Variants in NRDE2 observed in about 807,000 individuals in gnomAD.
NRDE2 encodes NRDE-2, necessary for RNA interference, domain containing.
A neutral mutation model predicts 124.2 loss-of-function variants in NRDE2; 76 were observed. That is an observed-to-expected ratio of 0.61 (90% confidence interval 0.51 to 0.74). The LOEUF is 0.74. Ranked by LOEUF, NRDE2 falls within the 30% of genes least tolerant of loss-of-function variation. NRDE2 has a pLI of 0.00. For missense variants in NRDE2, 1,314 were observed against 1,417.3 expected (o/e 0.93, Z 1.17); for synonymous variants, 489 against 528.1 (o/e 0.93, Z 1.01).
chr14:90,328,304 CAAAAAAAAAAA>C (rs60360850), intron 1 of NRDE2, among the ~76,000 whole-genome samples: 3 of 88,724 alleles, frequency 3.4e-5, no homozygotes, highest in African/African-American at 1.2e-4. Context: ...ACTCTGTCTC[CAAAAAAAAAAA>C]AAAAAAAAGA....
Position 90,270,160 on chromosome 14 carries a change from G to A in NRDE2, c.*8176C>T, listed in dbSNP as rs1164533492. Reference sequence around the variant, plus strand: ...CTGAGCCATGGCCGAGCCTGGGTTTGGATGTTGGTGTGACTTCAAATCTCT... The same window carrying A: ...CTGAGCCATGGCCGAGCCTGGGTTTAGATGTTGGTGTGACTTCAAATCTCT... On this transcript the variant is annotated 3_prime_UTR_variant, in exon 14 of 14. Transcript: ENST00000354366. The A allele has an allele frequency of 1.7e-5, 27 of 1,605,284 alleles. No homozygotes were observed. Among genetic ancestry groups the A allele is most frequent in the Non-Finnish European group, 2.0e-5 (24 of 1,173,574 alleles).
Position 90,301,346 on chromosome 14 carries a change from G to GAA in NRDE2, c.1436_1437dup (p.Leu480PhefsTer29). The GAA allele has an allele frequency of 6.2e-7, 1 of 1,613,960 alleles. No individual in the cohort carries two copies. On this transcript the variant is annotated frameshift_variant, in exon 7 of 14. Coordinates refer to ENST00000354366, the MANE Select transcript of NRDE2 (RefSeq NM_017970.4). LOFTEE classifies it high-confidence loss of function. ...TTCTCAGAGTGGCCAGCCTGCCGCA[G>GAA]AAAGTGGCACTGCTGAAGAAAGAGT...
chr14:90,293,723 C>A (rs1404468625), intron 8 of NRDE2, among the ~76,000 whole-genome samples: 4 of 152,174 alleles, frequency 2.6e-5, no homozygotes, highest in African/African-American at 4.8e-5. Context: ...CCTATGCTCA[C>A]TAGAACTTGC....
chr14:90,294,291 T>C (rs1892350501), intron 8 of NRDE2, among the ~76,000 whole-genome samples: 1 of 151,558 alleles, frequency 6.6e-6, no homozygotes, highest in African/African-American at 2.4e-5. Context: ...TGCCGTCTGC[T>C]GTATGGAAAA....
chr14:90,268,427 T>C lies in NRDE2; in HGVS notation c.*9909A>G, dbSNP rs767167551. On this transcript the variant is annotated 3_prime_UTR_variant, in exon 14 of 14. Coordinates refer to ENST00000354366, the MANE Select transcript of NRDE2 (RefSeq NM_017970.4). Reference sequence around the variant, plus strand: ...TGGGACAAAAAGGTAGACTTTCTCATACTTATTTTGCCTTGTTTAGTAGGG... The same window carrying C: ...TGGGACAAAAAGGTAGACTTTCTCACACTTATTTTGCCTTGTTTAGTAGGG... 20 of 1,613,530 alleles carry C rather than the reference T, an allele frequency of 1.2e-5. 1 individual carries two copies. In the South Asian group the frequency reaches 2.2e-4, roughly 18 times the overall value.
intron 11 of NRDE2, among the ~76,000 whole-genome samples, 197 bp downstream of exon 11, chr14:90,288,020 T>C (rs1466067548): frequency 1.3e-5 from 2 of 152,036 alleles, no homozygotes; most frequent in Non-Finnish European, 2.9e-5. Flanking sequence ...CCAACCCCCC[T>C]CCTGAGAGGC....
chr14:90,330,206 C>CAAAAAAAAAAA (rs5810495), intron 1 of NRDE2, among the ~76,000 whole-genome samples: 1 of 132,158 alleles, frequency 7.6e-6, no homozygotes, highest in South Asian at 2.4e-4. Flanking sequence ...GACTTGGTCT[C>CAAAAAAAAAAA]AAAAAAAAAA....
At position 90,326,123 on chromosome 14, in the gene NRDE2, A is replaced by G. The variant is rs569409526; in HGVS notation, c.64+5718T>C. On this transcript the variant is annotated intron_variant, in intron 1 of 13. Coordinates refer to ENST00000354366, the MANE Select transcript of NRDE2 (RefSeq NM_017970.4). ...CGATGGAGTTCTGTGCACTAGTAAA[A>G]AGAAATGAGGAAGATCTCTATAGAG... Among the ~76,000 whole-genome samples the G allele has an allele frequency of 1.6e-4, 25 of 152,348 alleles. 1 individual carries two copies. The highest frequency in any genetic ancestry group is 1.3e-3 in the Admixed American group (20 of 15,308).
intron 12 of NRDE2, chr14:90,279,454 C>T (rs941298897): frequency 3.8e-6 from 1 of 261,078 alleles, no homozygotes; most frequent in African/African-American, 2.2e-5. Flanking sequence ...GTGCTTGAAA[C>T]CAAGGAGTGT....
rs1892192827 is a variant in NRDE2, at chr14:90,288,930, C to G, written c.2445G>C (p.Leu815=). The G allele has an allele frequency of 6.2e-7, 1 of 1,612,374 alleles. No individual in the cohort carries two copies. Among genetic ancestry groups the G allele is most frequent in the Non-Finnish European group, 8.5e-7 (1 of 1,178,582 alleles). ...TALGMAGSRE[L]KDSDLCELSL... ...TGAGCTCACAGAGGTCAGAGTCTTTCAGTTCTCTGCTTCCTGCCATGCCAA... is the reference window on the plus strand; with the variant it reads ...TGAGCTCACAGAGGTCAGAGTCTTTGAGTTCTCTGCTTCCTGCCATGCCAA... The change falls in exon 11 of 14, where the codon CTG becomes CTC. Residue 815 remains leucine, a synonymous_variant. Transcript: ENST00000354366.
chr14:90,302,932 A>G lies in NRDE2; in HGVS notation c.1199T>C (p.Leu400Pro), dbSNP rs772723330. 1.5e-5 allele frequency: 24 copies of G among 1,614,086 alleles called. No homozygotes were observed. In the South Asian group the frequency reaches 2.5e-4, roughly 17 times the overall value. ...TATCAGTTTCTGCCACTCTTTGACC[A>G]GAGTGGAGGGCTCCCAGAACTCTGT... ...LCTEFWEPST[L>P]VKEWQKLIFL... Residue 400 changes from leucine (L) to proline (P), a missense_variant, in exon 6 of 14, where the codon CTG becomes CCG. Physicochemically the swap from Leu to Pro is moderately conservative, Grantham distance 98. Coordinates refer to ENST00000354366, the MANE Select transcript of NRDE2 (RefSeq NM_017970.4).
rs1891727530 is a variant in NRDE2 at position 90,273,715 on chromosome 14, G to T, written c.*4621C>A. The T allele has an allele frequency of 6.5e-6, 1 of 154,552 alleles. No individual in the cohort carries two copies. Among genetic ancestry groups the T allele is most frequent in the Non-Finnish European group, 1.5e-5 (1 of 68,230 alleles). 9.6% of individuals were successfully genotyped at this position (154,552 alleles called of 1,614,324 possible). ...ATCCGTTTCCTTGCTGAGGATTATT[G>T]TTGGCAGAATTTAATTTCTTGGAGT... On this transcript the variant is annotated 3_prime_UTR_variant, in exon 14 of 14. Transcript: ENST00000354366.
In NRDE2 at chr14:90,270,505, T is replaced by G; in HGVS notation, c.*7831A>C. On this transcript the variant is annotated 3_prime_UTR_variant, in exon 14 of 14. Coordinates refer to ENST00000354366, the MANE Select transcript of NRDE2 (RefSeq NM_017970.4). Reference sequence around the variant, plus strand: ...TTTACGATTACATCCAAATGGTATATGTGCTTGATATTGAAGTCATTCTTA... The same window carrying G: ...TTTACGATTACATCCAAATGGTATAGGTGCTTGATATTGAAGTCATTCTTA... The G allele has an allele frequency of 1.2e-6, 1 of 832,522 alleles. No homozygotes were observed. Among genetic ancestry groups the G allele is most frequent in the African/African-American group, 1.7e-5 (1 of 58,304 alleles). The allele number at this position is 832,522 out of a possible 1,614,324, so 51.6% of individuals were successfully genotyped here.
chr14:90,331,747 G>T, intron 1 of NRDE2, 94 bp downstream of exon 1: 1 of 1,353,582 alleles, frequency 7.4e-7, no homozygotes, highest in South Asian at 1.2e-5. Context: ...GATACAAATG[G>T]ATACACAAAT....
At chr14:90,305,075 CA>C (rs1276231609) in intron 4 of NRDE2, among the ~76,000 whole-genome samples, 10 of 150,524 alleles carry the variant, frequency 6.6e-5, no homozygotes, top group African/African-American at 2.4e-4. Context: ...TGTATGTTAG[CA>C]AACAATTCAA....
At chr14:90,290,672 C>A in intron 9 of NRDE2, 65 bp from the exon 10 acceptor site, 2 of 1,484,892 alleles carry the variant, frequency 1.3e-6, no homozygotes, top group Non-Finnish European at 1.8e-6. Context: ...TGTCACAATT[C>A]TCTTTATATG....
intron 1 of NRDE2, among the ~76,000 whole-genome samples, chr14:90,326,558 A>G (rs369508850): frequency 1.2e-4 from 18 of 150,864 alleles, no homozygotes; most frequent in African/African-American, 3.9e-4. Flanking sequence ...GAAGGGAGGG[A>G]AAAAAAATGG....
At chr14:90,294,931 T>C (rs1451919641) in intron 8 of NRDE2, among the ~76,000 whole-genome samples, 1 of 152,184 alleles carries the variant, frequency 6.6e-6, no homozygotes, top group Non-Finnish European at 1.5e-5. Context: ...AGATTAGTGG[T>C]TCCCATGAGT....
chr14:90,316,938 C>T (rs969106214), intron 2 of NRDE2, 127 bp from the exon 3 acceptor site: 2 of 675,882 alleles, frequency 3.0e-6, no homozygotes, highest in Non-Finnish European at 4.9e-6. Flanking sequence ...ACTATTTGCC[C>T]ATATATTACA....
Sources: gnomAD v4.1 joint callset for allele counts (sites outside exome capture counted in the v4.1 genomes callset) on GRCh38, gnomAD v4.1.1 for gene constraint, MANE v1.5 for transcripts, NCBI Gene and HGNC (gene_info 2026-07-23, HGNC 2026-07-21) for gene names.